EXT2: variants seen among roughly 807,000 people sequenced by gnomAD.
The protein encoded by EXT2 is exostosin glycosyltransferase 2, also known as exostosin-2.
EXT2 carries 53 observed loss-of-function variants against 81.6 expected under a neutral mutation model. The observed-to-expected ratio is 0.65, with a 90% CI of 0.52 to 0.82. The LOEUF is 0.82. Among genes scored for constraint, EXT2 ranks in the 40% least tolerant of loss-of-function variants. The probability of loss-of-function intolerance (pLI) is 0.00; values close to 1 mark genes in which losing one functional copy is unlikely to be tolerated. For synonymous variants in EXT2, 320 were observed against 340.0 expected, an observed-to-expected ratio of 0.94 and a Z score of 0.65; for missense variants, 774 against 910.2, an observed-to-expected ratio of 0.85 and a Z score of 1.93.
chr11:44,224,698 C>T (rs140569947), intron 10 of EXT2, among the ~76,000 whole-genome samples: 7 of 152,252 alleles, frequency 4.6e-5, no homozygotes, highest in Non-Finnish European at 7.3e-5. Context: ...ACTGTCATTT[C>T]GTACCTTTGC....
At chr11:44,221,145 C>A (rs1329267553) in intron 10 of EXT2, among the ~76,000 whole-genome samples, 2 of 152,172 alleles carry the variant, frequency 1.3e-5, no homozygotes, top group African/African-American at 2.4e-5. Flanking sequence ...GGCACATCTG[C>A]CCATCTGAGG....
intron 8 of EXT2, among the ~76,000 whole-genome samples, chr11:44,182,383 G>A (rs998543584): frequency 1.3e-5 from 2 of 151,758 alleles, no homozygotes; most frequent in Admixed American, 6.6e-5. Flanking sequence ...TCCAATTTCT[G>A]AGTTTTATTA....
In EXT2 at chr11:44,195,001, T is replaced by A. The variant is rs1041166247; in HGVS notation, c.1306-2828T>A. On this transcript the variant is annotated intron_variant, in intron 8 of 13. Coordinates refer to ENST00000533608, the MANE Select transcript of EXT2 (RefSeq NM_207122.2). ...GTCAGGAAGAGATGAAGAATAAAAT[T>A]TGGGGTAGAAAACTCAAAAAGGTTT... is the stretch of plus-strand genomic sequence containing the variant. 2.6e-5 allele frequency among the ~76,000 whole-genome samples: 4 copies of A among 152,042 alleles called. No individual in the cohort carries two copies. The East Asian group carries it at 7.7e-4, about 29-fold the overall frequency.
chr11:44,166,952 A>C (rs968940989), intron 7 of EXT2, among the ~76,000 whole-genome samples: 1 of 152,258 alleles, frequency 6.6e-6, no homozygotes, highest in Non-Finnish European at 1.5e-5. Flanking sequence ...AAATTATAAA[A>C]GTTTATTTAA....
chr11:44,165,052 G>C (rs911354910), intron 7 of EXT2, among the ~76,000 whole-genome samples: 1 of 151,658 alleles, frequency 6.6e-6, no homozygotes, highest in East Asian at 1.9e-4. Context: ...CTAATTTTTT[G>C]TATTTTTAGT....
chr11:44,212,301 AAATAAATAAAT>A (rs1564978604), intron 10 of EXT2, among the ~76,000 whole-genome samples: 7,224 of 124,006 alleles, frequency 0.058, 284 homozygotes, highest in Non-Finnish European at 0.071. Flanking sequence ...ATAAAAATAT[AAATAAATAAAT>A]AAATAAATAA....
At chr11:44,222,683 T>C (rs1349365002) in intron 10 of EXT2, among the ~76,000 whole-genome samples, 6 of 151,810 alleles carry the variant, frequency 4.0e-5, no homozygotes, top group Admixed American at 1.3e-4. Flanking sequence ...ATAAAACTTT[T>C]AGGAAAAAAG....
chr11:44,100,961 A>T (rs1335346844), intron 1 of EXT2, among the ~76,000 whole-genome samples: 1 of 152,180 alleles, frequency 6.6e-6, no homozygotes, highest in Non-Finnish European at 1.5e-5. Context: ...CTTGAGGCAG[A>T]TGCCTCCCAT....
In EXT2 at chr11:44,245,080, A is replaced by G. The variant is rs1331176802; in HGVS notation, c.*793A>G. 4.8e-5 allele frequency: 11 copies of G among 231,232 alleles called. No individual in the cohort carries two copies. The highest frequency in any genetic ancestry group is 2.3e-4 in the Admixed American group (4 of 17,708). 14.3% of individuals were successfully genotyped at this position (231,232 alleles called of 1,614,324 possible). ...GGAATGTCTGATACCCTCTGCATCA[A>G]GCGTAAGAAGGTCCCAAATCATAAC... On this transcript the variant is annotated 3_prime_UTR_variant, in exon 14 of 14. Transcript: ENST00000533608.
In EXT2 at chr11:44,124,873, T is replaced by C; in HGVS notation, c.828T>C (p.His276=). 6.2e-7 allele frequency: 1 copy of C among 1,614,050 alleles called. No homozygotes were observed. Among genetic ancestry groups the C allele is most frequent in the Non-Finnish European group, 8.5e-7 (1 of 1,179,998 alleles). ...ACCTAGAAGCCCTCCAGGTCAAACA[T>C]GGAGAGTCAGTGTTAGTACTCGATA... ...REDLEALQVK[H]GESVLVLDKC... Residue 276 remains histidine, a synonymous_variant, in exon 5 of 14, where the codon CAT becomes CAC. Transcript: ENST00000533608.
intron 7 of EXT2, among the ~76,000 whole-genome samples, chr11:44,163,925 G>T (rs1954959325): frequency 6.6e-6 from 1 of 152,176 alleles, no homozygotes; most frequent in East Asian, 1.9e-4. Context: ...AAATACATCT[G>T]CTGCCTTGTT....
chr11:44,234,418 G>C (rs1955936842), intron 12 of EXT2, among the ~76,000 whole-genome samples, 175 bp downstream of exon 12: 1 of 152,166 alleles, frequency 6.6e-6, no homozygotes, highest in Admixed American at 6.5e-5. Flanking sequence ...GCTAGGCTTT[G>C]ACAATTTAAA....
At position 44,244,364 on chromosome 11, in the gene EXT2, A is replaced by C; in HGVS notation, c.*77A>C. ...CAAGGCCTCCCAGCACTCTGATGTC[A>C]GAGTAGTAGGTTAAGGGTGGAAGGT... On this transcript the variant is annotated 3_prime_UTR_variant, in exon 14 of 14. Coordinates refer to ENST00000533608, the MANE Select transcript of EXT2 (RefSeq NM_207122.2). 3.9e-6 allele frequency: 6 copies of C among 1,530,926 alleles called. No homozygotes were observed. The highest frequency in any genetic ancestry group is 1.1e-5 in the South Asian group (1 of 89,012). 94.8% of individuals were successfully genotyped at this position (1,530,926 alleles called of 1,614,324 possible). A position where few individuals can be genotyped will look rare whatever the true frequency, so the allele number is the denominator to read the frequency against.
intron 7 of EXT2, 81 bp from the exon 8 acceptor site, chr11:44,171,530 C>T: frequency 6.2e-7 from 1 of 1,605,442 alleles, no homozygotes; most frequent in Non-Finnish European, 8.5e-7. Context: ...TTAGCCTAAC[C>T]TGGAGTTGAC....
chr11:44,136,281 G>A (rs1424591315), intron 7 of EXT2, among the ~76,000 whole-genome samples: 1 of 152,186 alleles, frequency 6.6e-6, no homozygotes, highest in Non-Finnish European at 1.5e-5. Context: ...ACTCAACAGA[G>A]TAGTAAGCTA....
chr11:44,123,385 T>G (rs1464612225), intron 4 of EXT2, among the ~76,000 whole-genome samples: 1 of 152,234 alleles, frequency 6.6e-6, no homozygotes, highest in Non-Finnish European at 1.5e-5. Context: ...CCTAGTATTT[T>G]CCCTGGGCTG....
At chr11:44,219,527 A>G (rs11037903) in intron 10 of EXT2, among the ~76,000 whole-genome samples, 3,926 of 152,200 alleles carry the variant, frequency 0.026, 180 homozygotes, top group African/African-American at 0.089. Context: ...AAAATGCAAA[A>G]CAAGTCTTGG....
intron 7 of EXT2, among the ~76,000 whole-genome samples, chr11:44,170,860 A>G (rs1042901070): frequency 1.3e-5 from 2 of 148,740 alleles, no homozygotes; most frequent in Non-Finnish European, 3.0e-5. Flanking sequence ...ACACACACCA[A>G]TCCACCCACC....
intron 8 of EXT2, among the ~76,000 whole-genome samples, chr11:44,185,281 G>A (rs915391932): frequency 6.6e-6 from 1 of 152,174 alleles, no homozygotes; most frequent in Non-Finnish European, 1.5e-5. Flanking sequence ...TAGCTCCTGG[G>A]CGTTCAGCTT....
Sources: allele counts gnomAD v4.1 joint callset (sites outside exome capture counted in the v4.1 genomes callset), GRCh38; gene constraint gnomAD v4.1.1; transcripts MANE v1.5; gene names NCBI Gene and HGNC (gene_info 2026-07-23, HGNC 2026-07-21).